The following IFT88 variants were observed in gnomAD, a reference collection of about 807,000 sequenced individuals.
The protein encoded by IFT88 is intraflagellar transport protein 88 homolog.
Under a neutral mutation model 119.5 loss-of-function variants are expected in IFT88, and 74 were observed. The observed-to-expected ratio is 0.62, with a 90% CI of 0.51 to 0.75. The LOEUF (loss-of-function observed/expected upper bound fraction) is 0.75. Ranked by LOEUF, IFT88 falls within the 30% of genes least tolerant of loss-of-function variation. The pLI is 0.00. For missense variants in IFT88, 961 were observed against 977.7 expected (o/e 0.98, Z 0.23); for synonymous variants, 279 against 316.7 (o/e 0.88, Z 1.26).
intron 7 of IFT88, among the ~76,000 whole-genome samples, chr13:20,593,334 T>G (rs897052297): frequency 1.4e-4 from 22 of 152,112 alleles, no homozygotes; most frequent in African/African-American, 5.3e-4. Context: ...ACAGAGCTAT[T>G]ATTCTCACTA....
intron 15 of IFT88, among the ~76,000 whole-genome samples, chr13:20,629,842 A>G (rs2047924004): frequency 6.6e-6 from 1 of 152,194 alleles, no homozygotes; most frequent in East Asian, 1.9e-4. Flanking sequence ...TAATCAGTAA[A>G]TATATTTTAA....
chr13:20,580,280 G>A (rs2038303094), intron 2 of IFT88, among the ~76,000 whole-genome samples: 1 of 152,176 alleles, frequency 6.6e-6, no homozygotes, highest in Non-Finnish European at 1.5e-5. Flanking sequence ...CATTTTGGGA[G>A]GCTGAGGTGG....
chr13:20,663,291 GGAGA>G, intron 22 of IFT88: 1 of 1,487,838 alleles, frequency 6.7e-7, no homozygotes, highest in Non-Finnish European at 9.0e-7. Context: ...CAGGACACAT[GGAGA>G]GAGACCCTTT....
chr13:20,594,173 A>G (rs2041227889), intron 7 of IFT88, among the ~76,000 whole-genome samples: 1 of 152,098 alleles, frequency 6.6e-6, no homozygotes, highest in South Asian at 2.1e-4. Context: ...CTGCTCAGTA[A>G]CATCATCCCT....
intron 12 of IFT88, among the ~76,000 whole-genome samples, chr13:20,603,389 A>G (rs2042924889): frequency 6.8e-6 from 1 of 147,204 alleles, no homozygotes; most frequent in Non-Finnish European, 1.5e-5. Flanking sequence ...TCCATCTCAA[A>G]AAAAAAAAAA....
intron 12 of IFT88, among the ~76,000 whole-genome samples, chr13:20,604,831 T>C (rs1309036829): frequency 6.6e-6 from 1 of 152,116 alleles, no homozygotes; most frequent in African/African-American, 2.4e-5. Flanking sequence ...GGCATGCCCC[T>C]GTAGTCCCAG....
chr13:20,619,981 A>G (rs1310948314), intron 14 of IFT88, among the ~76,000 whole-genome samples: 1 of 152,170 alleles, frequency 6.6e-6, no homozygotes, highest in African/African-American at 2.4e-5. Flanking sequence ...TATTTACCAT[A>G]TGAATATTAT....
chr13:20,616,347 C>G (rs1566209089), intron 14 of IFT88, among the ~76,000 whole-genome samples: 1 of 152,226 alleles, frequency 6.6e-6, no homozygotes, highest in Non-Finnish European at 1.5e-5. Context: ...ACTTCCAGTC[C>G]TGGAAGCTCC....
chr13:20,617,162 GATACT>G (rs1470973526), intron 14 of IFT88, among the ~76,000 whole-genome samples: 1 of 152,052 alleles, frequency 6.6e-6, no homozygotes, highest in Non-Finnish European at 1.5e-5. Context: ...TAGAAAAAGT[GATACT>G]ATTACATATG....
Position 20,690,724 on chromosome 13 carries a change from T to C in IFT88, c.2262T>C (p.Ser754=), listed in dbSNP as rs750663728. ...SASGDSGQNY[S]ASSKGERLSA... is the part of the protein sequence containing the mutation. ...TTTCAGATAGTGGCCAGAACTATAG[T>C]GCCAGTAGTAAAGGTGAACGACTAA... The change falls in exon 25 of 26, where the codon AGT becomes AGC. Residue 754 remains serine, a synonymous_variant. Coordinates refer to ENST00000351808, the MANE Select transcript of IFT88 (RefSeq NM_006531.5). The C allele has an allele frequency of 2.4e-5, 38 of 1,612,016 alleles. No homozygotes were observed. The Admixed American group carries it at 4.7e-4, about 20-fold the overall frequency.
chr13:20,634,411 A>G (rs2048691973), intron 16 of IFT88, among the ~76,000 whole-genome samples: 1 of 152,086 alleles, frequency 6.6e-6, no homozygotes, highest in Non-Finnish European at 1.5e-5. Flanking sequence ...CTGGATAGAA[A>G]TGGGGCTTTC....
At chr13:20,635,819 C>T (rs1188529736) in intron 16 of IFT88, among the ~76,000 whole-genome samples, 1 of 152,016 alleles carries the variant, frequency 6.6e-6, no homozygotes, top group Non-Finnish European at 1.5e-5. Context: ...TCCAGCAAAC[C>T]ACCATGGGAC....
intron 22 of IFT88, among the ~76,000 whole-genome samples, chr13:20,658,734 C>T (rs2053291306): frequency 1.3e-5 from 2 of 152,176 alleles, no homozygotes; most frequent in African/African-American, 4.8e-5. Flanking sequence ...GTAGCTCTCT[C>T]ACCCCTAGAT....
At chr13:20,609,409 G>C (rs2044070863) in intron 13 of IFT88, among the ~76,000 whole-genome samples, 1 of 152,192 alleles carries the variant, frequency 6.6e-6, no homozygotes, top group Non-Finnish European at 1.5e-5. Context: ...GTAAGGAGAG[G>C]AGGAGCGAAC....
Position 20,663,546 on chromosome 13 carries a change from C to T in IFT88, c.2117C>T (p.Ala706Val). 6.2e-7 allele frequency: 1 copy of T among 1,613,778 alleles called. No individual in the cohort carries two copies. The highest frequency in any genetic ancestry group is 8.5e-7 in the Non-Finnish European group (1 of 1,179,920). The change falls in exon 23 of 26, where the codon GCT becomes GTT. Residue 706 changes from alanine to valine, a missense_variant. By Grantham distance (64) the Ala-to-Val change is moderately conservative. Transcript: ENST00000351808. ...TGCACAGATCTTGGATTAAAAGATG[C>T]TCAAGAATATGCCAGAAAACTGAAG... ...RLCTDLGLKD[A>V]QEYARKLKRL...
intron 15 of IFT88, among the ~76,000 whole-genome samples, chr13:20,629,894 G>GT (rs1270840117): frequency 6.6e-6 from 1 of 152,076 alleles, no homozygotes; most frequent in Admixed American, 6.5e-5. Context: ...CTCTACCCTT[G>GT]TTTTTTTCTT....
At chr13:20,599,676 G>C (rs2042282161) in intron 11 of IFT88, 111 bp downstream of exon 11, 1 of 606,178 alleles carries the variant, frequency 1.6e-6, no homozygotes. Context: ...GTTTGTACAT[G>C]AGATTTATAC....
chr13:20,629,474 A>G (rs1473662291), intron 15 of IFT88, among the ~76,000 whole-genome samples: 3 of 152,240 alleles, frequency 2.0e-5, no homozygotes, highest in Non-Finnish European at 4.4e-5. Context: ...TTTGTAAACT[A>G]CTGACCTAGA....
intron 24 of IFT88, among the ~76,000 whole-genome samples, chr13:20,679,750 A>G (rs1221581525): frequency 6.6e-6 from 1 of 152,240 alleles, no homozygotes; most frequent in Non-Finnish European, 1.5e-5. Context: ...GGGTTGGCTT[A>G]GTATATTTTC....
Sources: allele counts gnomAD v4.1 joint callset (sites outside exome capture counted in the v4.1 genomes callset), GRCh38; gene constraint gnomAD v4.1.1; transcripts MANE v1.5; gene names NCBI Gene and HGNC (gene_info 2026-07-23, HGNC 2026-07-21).